Variants in IQCM observed in about 807,000 individuals in gnomAD.
The protein encoded by IQCM is IQ motif containing M.
Under a neutral mutation model 57.6 loss-of-function variants are expected in IQCM, and 45 were observed. The ratio of observed to expected loss-of-function variants is 0.78; its 90% CI spans 0.62 to 1.00. IQCM has a LOEUF of 1.00. Ranked by LOEUF, IQCM falls within the 50% of genes least tolerant of loss-of-function variation. IQCM has a pLI of 0.00. For missense variants in IQCM, 468 were observed against 511.6 expected (o/e 0.91, Z 0.82); for synonymous variants, 148 against 158.9 (o/e 0.93, Z 0.51).
chr4:149,366,114 T>G (rs1453375543), intron 13 of IQCM, among the ~76,000 whole-genome samples: 1 of 152,052 alleles, frequency 6.6e-6, no homozygotes, highest in African/African-American at 2.4e-5. Context: ...GAAAAGTTCA[T>G]TTAAAAAGTG....
At chr4:149,608,665 G>A (rs545722245) in intron 8 of IQCM, among the ~76,000 whole-genome samples, 20 of 151,478 alleles carry the variant, frequency 1.3e-4, no homozygotes, top group Non-Finnish European at 2.1e-4. Flanking sequence ...ATGACTAGTG[G>A]GTCAATTAAA....
intron 13 of IQCM, among the ~76,000 whole-genome samples, chr4:149,429,589 C>A (rs1247223864): frequency 1.3e-5 from 2 of 151,864 alleles, no homozygotes; most frequent in Non-Finnish European, 2.9e-5. Flanking sequence ...ACTCTATTTA[C>A]TCCTTGGTTC....
intron 8 of IQCM, among the ~76,000 whole-genome samples, chr4:149,594,539 T>G (rs945251768): frequency 6.6e-6 from 1 of 152,228 alleles, no homozygotes; most frequent in Non-Finnish European, 1.5e-5. Flanking sequence ...TTCTTTTAAC[T>G]GTGATGTTGG....
At chr4:149,739,493 T>C (rs1767254302) in intron 3 of IQCM, among the ~76,000 whole-genome samples, 1 of 150,940 alleles carries the variant, frequency 6.6e-6, no homozygotes, top group Non-Finnish European at 1.5e-5. Context: ...TAGTCAACCC[T>C]CATTTCTTCA....
chr4:149,508,081 A>C (rs10035022), intron 12 of IQCM, among the ~76,000 whole-genome samples: 81,188 of 151,460 alleles, frequency 0.54, 21,987 homozygotes, highest in Non-Finnish European at 0.57. Flanking sequence ...TGAAGAATTG[A>C]GGTTTGGGAA....
At chr4:149,383,506 T>C (rs1731216333) in intron 13 of IQCM, among the ~76,000 whole-genome samples, 1 of 152,174 alleles carries the variant, frequency 6.6e-6, no homozygotes, top group Non-Finnish European at 1.5e-5. Context: ...AATTAAGTTA[T>C]GTCACAGACT....
At chr4:149,505,174 A>T (rs1204159201) in intron 12 of IQCM, among the ~76,000 whole-genome samples, 4 of 152,118 alleles carry the variant, frequency 2.6e-5, no homozygotes, top group Admixed American at 2.0e-4. Context: ...TTATAATGGG[A>T]AAAAGGGGGA....
Position 149,553,256 on chromosome 4 carries a change from A to C in IQCM, c.980T>G (p.Val327Gly), listed in dbSNP as rs1408692251. Reference sequence around the variant, plus strand: ...GATTAGTCTGCCATACATGTTAATAACTGCTTTCATATCTGGTCCATGATC... The same window carrying C: ...GATTAGTCTGCCATACATGTTAATACCTGCTTTCATATCTGGTCCATGATC... ...ALDHGPDMKA[V>G]INMYGRLIHR... Residue 327 changes from valine (V) to glycine (G), a missense_variant, in exon 11 of 14, where the codon GTT becomes GGT. Physicochemically the swap from Val to Gly is moderately radical, Grantham distance 109 (BLOSUM62 -3). Transcript: ENST00000636793. The C allele has an allele frequency of 8.1e-7, 1 of 1,231,858 alleles. No individual in the cohort carries two copies. The highest frequency in any genetic ancestry group is 1.0e-6 in the Non-Finnish European group (1 of 987,842). The allele number at this position is 1,231,858 out of a possible 1,614,324, so 76.3% of individuals were successfully genotyped here. A position where few individuals can be genotyped will look rare whatever the true frequency, so the allele number is the denominator to read the frequency against.
At chr4:149,717,773 T>C (rs1765122589) in intron 5 of IQCM, among the ~76,000 whole-genome samples, 1 of 152,218 alleles carries the variant, frequency 6.6e-6, no homozygotes, top group Non-Finnish European at 1.5e-5. Context: ...CAGAAAGTAT[T>C]TCATGGCATA....
chr4:149,477,490 T>G (rs1740322118), intron 12 of IQCM, among the ~76,000 whole-genome samples: 1 of 152,150 alleles, frequency 6.6e-6, no homozygotes, highest in South Asian at 2.1e-4. Context: ...TGCACTGTGC[T>G]GGGAACTTGG....
Position 149,415,879 on chromosome 4 carries a change from A to G in IQCM, c.1390+17517T>C, listed in dbSNP as rs184047039. On this transcript the variant is annotated intron_variant, in intron 13 of 13. Transcript: ENST00000636793. The stretch of plus-strand genomic sequence containing the variant: ...TACACACTTGGACACAGGAAGGGGA[A>G]CATCACACACTGGGGCCTGTCGTGG... 8.6e-4 allele frequency among the ~76,000 whole-genome samples: 131 copies of G among 152,150 alleles called. 4 individuals carry two copies. In the East Asian group the frequency reaches 0.022, roughly 26 times the overall value.
intron 12 of IQCM, among the ~76,000 whole-genome samples, chr4:149,453,590 A>G (rs1046244773): frequency 6.6e-6 from 1 of 151,908 alleles, no homozygotes; most frequent in African/African-American, 2.4e-5. Flanking sequence ...AAGAATATAT[A>G]CATACGAACA....
intron 12 of IQCM, among the ~76,000 whole-genome samples, chr4:149,503,791 T>C (rs1034042993): frequency 6.6e-6 from 1 of 152,060 alleles, no homozygotes; most frequent in African/African-American, 2.4e-5. Context: ...TTGCAGTGAA[T>C]TGAGGGACAT....
chr4:149,674,872 G>C (rs990480360), intron 7 of IQCM, among the ~76,000 whole-genome samples: 1 of 151,988 alleles, frequency 6.6e-6, no homozygotes, highest in Non-Finnish European at 1.5e-5. Flanking sequence ...AGCTAGAGAA[G>C]AAATTAAAAA....
In IQCM at chr4:149,553,243, A is replaced by T; in HGVS notation, c.993T>A (p.Tyr331Ter). The T allele has an allele frequency of 1.6e-6, 2 of 1,231,910 alleles. No individual in the cohort carries two copies. The highest frequency in any genetic ancestry group is 2.0e-6 in the Non-Finnish European group (2 of 987,754). 76.3% of individuals were successfully genotyped at this position (1,231,910 alleles called of 1,614,324 possible). Residue 331 changes from tyrosine (Y) to a stop codon, truncating the protein, a stop_gained, in exon 11 of 14, where the codon TAT becomes TAA. Transcript: ENST00000636793. LOFTEE classifies it high-confidence loss of function. ...ATCTAACACGGTGGATTAGTCTGCC[A>T]TACATGTTAATAACTGCTTTCATAT... Reference protein sequence around the residue: ...GPDMKAVINMYGRLIHRVRYR... With the variant: ...GPDMKAVINM
At chr4:149,538,633 C>T (rs2149871466) in intron 12 of IQCM, among the ~76,000 whole-genome samples, 1 of 151,956 alleles carries the variant, frequency 6.6e-6, no homozygotes, top group African/African-American at 2.4e-5. Context: ...TAAGAAAACA[C>T]TTTATATTCA....
chr4:149,713,314 A>G (rs1377670920), intron 5 of IQCM, among the ~76,000 whole-genome samples: 2 of 152,144 alleles, frequency 1.3e-5, no homozygotes, highest in Non-Finnish European at 2.9e-5. Context: ...ATCCTTATGA[A>G]CACTCCTCTC....
intron 12 of IQCM, among the ~76,000 whole-genome samples, chr4:149,528,383 A>C (rs1746389837): frequency 6.7e-6 from 1 of 150,174 alleles, no homozygotes; most frequent in African/African-American, 2.4e-5. Flanking sequence ...ATCATCACTT[A>C]TCAATTCTTT....
chr4:149,790,071 G>T, intron 2 of IQCM: 1 of 584,410 alleles, frequency 1.7e-6, no homozygotes, highest in Admixed American at 3.1e-5. Flanking sequence ...GCTTCACCAG[G>T]AACTTCATCT....
Sources: allele counts gnomAD v4.1 joint callset (sites outside exome capture counted in the v4.1 genomes callset), GRCh38; gene constraint gnomAD v4.1.1; transcripts MANE v1.5; gene names NCBI Gene and HGNC (gene_info 2026-07-23, HGNC 2026-07-21).